NUAK1: variants seen among roughly 807,000 people sequenced by gnomAD.
The protein encoded by NUAK1 is NUAK family kinase 1.
Under a neutral mutation model 56.9 loss-of-function variants are expected in NUAK1, and 26 were observed. The ratio of observed to expected loss-of-function variants is 0.46; its 90% CI spans 0.33 to 0.63. NUAK1 has a LOEUF of 0.63. Among genes scored for constraint, NUAK1 ranks in the 30% least tolerant of loss-of-function variants. NUAK1 has a pLI of 0.02. For missense variants in NUAK1, 727 were observed against 876.1 expected, an observed-to-expected ratio of 0.83 and a Z score of 2.15; for synonymous variants, 337 against 336.0, an observed-to-expected ratio of 1.00 and a Z score of -0.03.
intron 1 of NUAK1, among the ~76,000 whole-genome samples, chr12:106,112,176 G>C (rs942642979): frequency 6.6e-6 from 1 of 152,098 alleles, no homozygotes; most frequent in Non-Finnish European, 1.5e-5. Context: ...CACTTAGTGA[G>C]AACAAGTTTG....
intron 4 of NUAK1, among the ~76,000 whole-genome samples, chr12:106,081,443 C>G (rs1459201612): frequency 2.0e-5 from 3 of 152,298 alleles, no homozygotes; most frequent in African/African-American, 4.8e-5. Context: ...CGTGCTTTAC[C>G]TTGGGAAATG....
Position 106,089,675 on chromosome 12 carries a change from G to C in NUAK1, c.362-2790C>G, listed in dbSNP as rs547206591. ...GTGGTGGCAGGTGCCTGTAACCCCA[G>C]TTACTGGGGAGGCTGAGGCAGGACA... On this transcript the variant is annotated intron_variant, in intron 2 of 6. Coordinates refer to ENST00000261402, the MANE Select transcript of NUAK1 (RefSeq NM_014840.3). 4.6e-5 allele frequency among the ~76,000 whole-genome samples: 7 copies of C among 152,296 alleles called. No homozygotes were observed. In the South Asian group the frequency reaches 1.5e-3, roughly 32 times the overall value.
chr12:106,098,258 T>C (rs1207560389), intron 2 of NUAK1, among the ~76,000 whole-genome samples: 2 of 152,188 alleles, frequency 1.3e-5, no homozygotes, highest in African/African-American at 2.4e-5. Flanking sequence ...TAACTGATAG[T>C]GCACTCATCC....
chr12:106,104,110 G>C (rs978900227), intron 2 of NUAK1: 3 of 150,098 alleles, frequency 2.0e-5, no homozygotes, highest in Non-Finnish European at 4.4e-5. Context: ...TGGTTGCCCA[G>C]GCTGGAAAGC....
intron 2 of NUAK1, among the ~76,000 whole-genome samples, chr12:106,095,957 C>T (rs76583109): frequency 0.038 from 5,755 of 152,184 alleles, 354 homozygotes; most frequent in African/African-American, 0.13. Context: ...TTCCCAGACT[C>T]GGCAGGTTAA....
chr12:106,130,448 T>C (rs1210060264), intron 1 of NUAK1, among the ~76,000 whole-genome samples: 1 of 152,266 alleles, frequency 6.6e-6, no homozygotes, highest in Non-Finnish European at 1.5e-5. Context: ...ACACATTAAA[T>C]ACATCTATCT....
At chr12:106,132,026 G>A (rs1440481064) in intron 1 of NUAK1, among the ~76,000 whole-genome samples, 4 of 152,196 alleles carry the variant, frequency 2.6e-5, no homozygotes, top group African/African-American at 4.8e-5. Context: ...GATGCTCCAG[G>A]ACTTTCATGT....
intron 1 of NUAK1, among the ~76,000 whole-genome samples, chr12:106,127,994 G>A (rs561654256): frequency 2.0e-5 from 3 of 152,156 alleles, no homozygotes; most frequent in African/African-American, 4.8e-5. Flanking sequence ...CTAAGAACTC[G>A]ACATACAATT....
intron 1 of NUAK1, among the ~76,000 whole-genome samples, chr12:106,117,820 G>A (rs1489774134): frequency 1.3e-5 from 2 of 152,146 alleles, no homozygotes; most frequent in Non-Finnish European, 2.9e-5. Flanking sequence ...CAAAAGGGAA[G>A]GTCATTCATT....
Position 106,066,757 on chromosome 12 carries a change from C to T in NUAK1, c.*45G>A, listed in dbSNP as rs781517937. 4 of 1,466,508 alleles carry T rather than the reference C, an allele frequency of 2.7e-6. No homozygotes were observed. Among genetic ancestry groups the T allele is most frequent in the Admixed American group, 3.7e-5 (2 of 53,950 alleles). 90.8% of individuals were successfully genotyped at this position (1,466,508 alleles called of 1,614,324 possible). A position where few individuals can be genotyped will look rare whatever the true frequency, so the allele number is the denominator to read the frequency against. ...AGCCTGTGAGCCCAAGTCTTGCTCC[C>T]CTTCCTCCCTCGTACCCCCGCCCGC... On this transcript the variant is annotated 3_prime_UTR_variant, in exon 7 of 7. Coordinates refer to ENST00000261402, the MANE Select transcript of NUAK1 (RefSeq NM_014840.3).
At chr12:106,117,124 T>C (rs7132167) in intron 1 of NUAK1, among the ~76,000 whole-genome samples, 83,292 of 151,970 alleles carry the variant, frequency 0.55, 23,378 homozygotes, top group African/African-American at 0.68. Context: ...CTGACTTCAC[T>C]GTGAGGACTA....
At chr12:106,101,312 C>T (rs1453546493) in intron 2 of NUAK1, among the ~76,000 whole-genome samples, 1 of 152,228 alleles carries the variant, frequency 6.6e-6, no homozygotes, top group Non-Finnish European at 1.5e-5. Context: ...TCAGGGTCAC[C>T]ACGTAGCCAT....
intron 4 of NUAK1, among the ~76,000 whole-genome samples, chr12:106,083,569 T>C (rs1436328990): frequency 6.6e-6 from 1 of 152,194 alleles, no homozygotes; most frequent in Non-Finnish European, 1.5e-5. Flanking sequence ...AAAAGTATTG[T>C]TATGGTGATG....
At chr12:106,112,090 A>G (rs2032865011) in intron 1 of NUAK1, among the ~76,000 whole-genome samples, 1 of 151,736 alleles carries the variant, frequency 6.6e-6, no homozygotes, top group Non-Finnish European at 1.5e-5. Context: ...ACAGGGTCAT[A>G]TGTGAGGTCC....
chr12:106,074,134 T>C (rs906118440), intron 4 of NUAK1, among the ~76,000 whole-genome samples: 2 of 152,140 alleles, frequency 1.3e-5, no homozygotes, highest in African/African-American at 4.8e-5. Flanking sequence ...ATCCTCCCCT[T>C]ATCTTTGTAT....
intron 1 of NUAK1, among the ~76,000 whole-genome samples, chr12:106,110,332 C>A (rs573650485): frequency 3.1e-4 from 47 of 151,886 alleles, no homozygotes; most frequent in African/African-American, 1.1e-3. Context: ...CAAGTACCGG[C>A]TACACAAAAG....
intron 4 of NUAK1, among the ~76,000 whole-genome samples, chr12:106,076,036 C>T (rs952841152): frequency 6.6e-6 from 1 of 152,122 alleles, no homozygotes; most frequent in Non-Finnish European, 1.5e-5. Context: ...TAAAAAGTGA[C>T]CTGAACTCAA....
chr12:106,067,795 G>T lies in NUAK1; in HGVS notation c.993C>A (p.Ile331=). Residue 331 remains isoleucine, a synonymous_variant, in exon 7 of 7, where the codon ATC becomes ATA. Transcript: ENST00000261402. This position sits in a 1 kb window ranked among gnomAD's most constrained non-coding sequence, Gnocchi z 6.0. The part of the protein sequence containing the change: ...HDSESPLLAR[I]IDWHHRSTGL... The stretch of plus-strand genomic sequence containing the variant: ...CTGTGGAACGGTGGTGCCAGTCAAT[G>T]ATCCGAGCCAGGAGTGGGGACTCAG... The T allele has an allele frequency of 1.2e-6, 2 of 1,614,186 alleles. No individual in the cohort carries two copies. The highest frequency in any genetic ancestry group is 1.7e-6 in the Non-Finnish European group (2 of 1,180,040).
chr12:106,078,597 C>G (rs1030003192), intron 4 of NUAK1, among the ~76,000 whole-genome samples: 1 of 152,172 alleles, frequency 6.6e-6, no homozygotes, highest in Non-Finnish European at 1.5e-5. Context: ...TGGCTTCACT[C>G]AAGACAGCCT....
Sources: allele counts gnomAD v4.1 joint callset (sites outside exome capture counted in the v4.1 genomes callset), GRCh38; gene constraint gnomAD v4.1.1; non-coding constraint Gnocchi (gnomAD v3.1); transcripts MANE v1.5; gene names NCBI Gene and HGNC (gene_info 2026-07-23, HGNC 2026-07-21).